DMD: variants seen among roughly 807,000 people sequenced by gnomAD.
DMD encodes dystrophin, also known as mutant dystrophin.
DMD carries 63 observed loss-of-function variants against 330.1 expected under a neutral mutation model. The observed-to-expected ratio is 0.19, with a 90% CI of 0.16 to 0.24. The LOEUF (loss-of-function observed/expected upper bound fraction) is 0.24. Among genes scored for constraint, DMD ranks in the 10% least tolerant of loss-of-function variants. The probability of loss-of-function intolerance (pLI) is 1.00; values close to 1 mark genes in which losing one functional copy is unlikely to be tolerated. For missense variants in DMD, 3,344 were observed against 2,684.1 expected, an observed-to-expected ratio of 1.25 and a Z score of -5.43; for synonymous variants, 1,223 against 959.8, an observed-to-expected ratio of 1.27 and a Z score of -5.07.
intron 13 of DMD, chrX:32,583,610 A>C (rs1213376154): frequency 8.9e-6 from 1 of 112,123 alleles, no homozygotes; most frequent in Non-Finnish European, 1.9e-5. Flanking sequence ...TAGAGTCCAT[A>C]AACTGATCCA....
At chrX:32,626,427 C>T (rs2058350327) in intron 11 of DMD, among the ~76,000 whole-genome samples, 1 of 103,830 alleles carries the variant, frequency 9.6e-6, no homozygotes, top group South Asian at 3.8e-4. Flanking sequence ...TGAGATCACA[C>T]CACTTCACTC....
In DMD at chrX:32,491,326, G is replaced by T. The variant is rs398123896; in HGVS notation, c.2573C>A (p.Thr858Asn). Reference sequence around the variant, plus strand: ...AATTGCTGTTGGCTCTGATGGGGTGGTGGGTTGGATTTTCAACCAGTTTTC... The same window carrying T: ...AATTGCTGTTGGCTCTGATGGGGTGTTGGGTTGGATTTTCAACCAGTTTTC... The part of the protein sequence containing the change: ...TAENWLKIQP[T>N]TPSEPTAIKS... The change falls in exon 20 of 79, where the codon ACC becomes AAC. Residue 858 changes from threonine to asparagine, a missense_variant. Physicochemically the swap from Thr to Asn is moderately conservative, Grantham distance 65 (BLOSUM62 0). Coordinates refer to ENST00000357033, the MANE Select transcript of DMD (RefSeq NM_004006.3). 8.3e-7 allele frequency: 1 copy of T among 1,211,144 alleles called. No individual in the cohort carries two copies. The highest frequency in any genetic ancestry group is 1.1e-6 in the Non-Finnish European group (1 of 895,075).
chrX:32,649,130 TC>T lies in DMD; in HGVS notation c.961-3979del, dbSNP rs748989552. Among the ~76,000 whole-genome samples the T allele has an allele frequency of 6.4e-4, 70 of 110,012 alleles. No homozygotes were observed. The South Asian group carries it at 0.026, about 40-fold the overall frequency. ...CGATTCTGTTTTTGTTTTTTTTTTT[TC>T]CCCCAAAATTGAGTACACTCAAATT... is the stretch of plus-strand genomic sequence containing the variant. On this transcript the variant is annotated intron_variant, in intron 9 of 78. Coordinates refer to ENST00000357033, the MANE Select transcript of DMD (RefSeq NM_004006.3).
At chrX:31,402,636 A>G (rs889823716) in intron 60 of DMD, among the ~76,000 whole-genome samples, 2 of 112,030 alleles carry the variant, frequency 1.8e-5, no homozygotes, top group Non-Finnish European at 3.8e-5. Context: ...AGGCTTTTTG[A>G]GGGAACGATT....
intron 60 of DMD, among the ~76,000 whole-genome samples, chrX:31,352,592 A>T (rs968421684): frequency 4.5e-5 from 5 of 112,110 alleles, no homozygotes; most frequent in African/African-American, 1.3e-4. Context: ...CTCCAGTGGT[A>T]GTTTCCAGTG....
At chrX:32,663,482 A>G (rs2061081967) in intron 9 of DMD, among the ~76,000 whole-genome samples, 1 of 112,017 alleles carries the variant, frequency 8.9e-6, no homozygotes, top group East Asian at 2.8e-4. Context: ...CTAACAAAAG[A>G]GCCTTTATAC....
intron 51 of DMD, among the ~76,000 whole-genome samples, chrX:31,759,040 C>G (rs927612754): frequency 1.4e-4 from 16 of 111,415 alleles, no homozygotes; most frequent in Admixed American, 1.2e-3. Context: ...AGAATAGATC[C>G]TAAAATTTGT....
intron 2 of DMD, among the ~76,000 whole-genome samples, chrX:32,921,163 A>G (rs192785488): frequency 8.9e-6 from 1 of 111,976 alleles, no homozygotes; most frequent in Admixed American, 9.5e-5. Flanking sequence ...TGTATGAACT[A>G]CTCAAACAAT....
intron 47 of DMD, among the ~76,000 whole-genome samples, chrX:31,900,605 T>C (rs1268331147): frequency 9.0e-6 from 1 of 111,391 alleles, no homozygotes; most frequent in Non-Finnish European, 1.9e-5. Flanking sequence ...AGTAATTTGG[T>C]ACCAGTAGAG....
intron 7 of DMD, among the ~76,000 whole-genome samples, chrX:32,732,763 C>T (rs1286020183): frequency 3.3e-4 from 36 of 110,079 alleles, no homozygotes; most frequent in South Asian, 2.4e-3. Flanking sequence ...CTGAAGGAAG[C>T]GCTAAACATG....
At chrX:33,041,384 C>A (rs1286044244) in intron 1 of DMD, 1 of 1,184,954 alleles carries the variant, frequency 8.4e-7, no homozygotes, top group Non-Finnish European at 1.1e-6. Context: ...TCTCGCGGGG[C>A]TCGAGGGACC....
intron 44 of DMD, among the ~76,000 whole-genome samples, chrX:32,196,986 CAA>C (rs71872245): frequency 3.2e-4 from 16 of 49,627 alleles, no homozygotes; most frequent in Admixed American, 2.2e-3. Context: ...GACTCCATCT[CAA>C]AAAAAAAAAA....
chrX:32,075,986 T>G lies in DMD; in HGVS notation c.6439-107472A>C, dbSNP rs1252066423. 4.5e-5 allele frequency among the ~76,000 whole-genome samples: 4 copies of G among 89,744 alleles called. No individual in the cohort carries two copies. The Admixed American group carries it at 5.9e-4, about 13-fold the overall frequency. 77.9% of individuals were successfully genotyped at this position (89,744 alleles called of 115,157 possible). A position where few individuals can be genotyped will look rare whatever the true frequency, so the allele number is the denominator to read the frequency against. ...TCATTTGAGCCCACGATGGGGAGGT[T>G]GCAGTGAGCTGTGACCATGCCATTG... On this transcript the variant is annotated intron_variant, in intron 44 of 78. Coordinates refer to ENST00000357033, the MANE Select transcript of DMD (RefSeq NM_004006.3).
intron 31 of DMD, 44 bp downstream of exon 31, chrX:32,390,026 AT>A: frequency 9.9e-7 from 1 of 1,013,888 alleles, no homozygotes; most frequent in Non-Finnish European, 1.4e-6. Flanking sequence ...CTGGAGTATA[AT>A]GCCCAACGAA....
intron 7 of DMD, among the ~76,000 whole-genome samples, chrX:32,803,307 G>A (rs763585291): frequency 9.0e-6 from 1 of 111,084 alleles, no homozygotes; most frequent in East Asian, 2.8e-4. Flanking sequence ...TGGGATCAGT[G>A]GTGATATCCC....
intron 16 of DMD, among the ~76,000 whole-genome samples, chrX:32,555,997 G>A (rs756302544): frequency 8.0e-5 from 9 of 111,982 alleles, no homozygotes; most frequent in Non-Finnish European, 1.5e-4. Flanking sequence ...AAGAACTTCT[G>A]CACAGCAAAA....
chrX:31,780,784 T>C (rs1212002562), intron 50 of DMD, among the ~76,000 whole-genome samples: 1 of 111,994 alleles, frequency 8.9e-6, no homozygotes, highest in African/African-American at 3.2e-5. Context: ...ACACTTATTT[T>C]TGTCTGCTTT....
chrX:31,527,507 C>T (rs1460989103), intron 55 of DMD, among the ~76,000 whole-genome samples: 1 of 111,905 alleles, frequency 8.9e-6, no homozygotes, highest in Admixed American at 9.4e-5. Flanking sequence ...TTTTTATTTG[C>T]TAAATCTGGC....
At chrX:32,596,543 T>TA (rs397686377) in intron 12 of DMD, among the ~76,000 whole-genome samples, 67 of 104,428 alleles carry the variant, frequency 6.4e-4, no homozygotes, top group African/African-American at 1.9e-3. Flanking sequence ...CTACTTTTTT[T>TA]ATTTTTTTTT....
Sources: allele counts gnomAD v4.1 joint callset (sites outside exome capture counted in the v4.1 genomes callset), GRCh38; gene constraint gnomAD v4.1.1; transcripts MANE v1.5; gene names NCBI Gene and HGNC (gene_info 2026-07-23, HGNC 2026-07-21).